Variants in STON2 observed in about 807,000 individuals in gnomAD.
STON2 encodes stonin-2.
Under a neutral mutation model 65.7 loss-of-function variants are expected in STON2, and 29 were observed. The ratio of observed to expected loss-of-function variants is 0.44; its 90% confidence interval spans 0.33 to 0.60. The LOEUF is 0.60. Ranked by LOEUF, STON2 falls within the 20% of genes least tolerant of loss-of-function variation. The pLI, the probability that STON2 is intolerant of heterozygous loss-of-function variation, is 0.03. For missense variants in STON2, 1,054 were observed against 1,118.1 expected, an observed-to-expected ratio of 0.94 and a Z score of 0.82; for synonymous variants, 404 against 414.2, an observed-to-expected ratio of 0.98 and a Z score of 0.30.
chr14:81,413,189 A>G (rs1901255411), intron 2 of STON2: 11 of 1,538,252 alleles, frequency 7.2e-6, no homozygotes, highest in Non-Finnish European at 8.7e-6. Context: ...CAAACACTTC[A>G]TCTACTTCTA....
chr14:81,295,240 G>A (rs1895713706), intron 5 of STON2, among the ~76,000 whole-genome samples: 2 of 152,140 alleles, frequency 1.3e-5, no homozygotes. Context: ...CAGGAGAATG[G>A]CTTGAACCCG....
intron 2 of STON2, among the ~76,000 whole-genome samples, chr14:81,416,575 C>T (rs1383123927): frequency 6.6e-6 from 1 of 152,168 alleles, no homozygotes; most frequent in African/African-American, 2.4e-5. Flanking sequence ...AGAGTGTGTA[C>T]CACACAGTCT....
At chr14:81,279,647 T>C (rs1895026792) in intron 5 of STON2, among the ~76,000 whole-genome samples, 1 of 151,692 alleles carries the variant, frequency 6.6e-6, no homozygotes, top group Non-Finnish European at 1.5e-5. Context: ...GCGGAGATTG[T>C]GCCACTGCAC....
At chr14:81,395,853 G>A in intron 3 of STON2, 41 bp downstream of exon 3, 4 of 1,605,114 alleles carry the variant, frequency 2.5e-6, no homozygotes, top group Non-Finnish European at 3.4e-6. Flanking sequence ...AAGCATCCCT[G>A]CTGACCACAA....
chr14:81,299,771 A>C (rs534082167), intron 5 of STON2, among the ~76,000 whole-genome samples: 1 of 152,328 alleles, frequency 6.6e-6, no homozygotes, highest in East Asian at 1.9e-4. Flanking sequence ...TAAACTTAAT[A>C]AAAGATGTGT....
intron 4 of STON2, among the ~76,000 whole-genome samples, chr14:81,358,427 C>A (rs1222847322): frequency 1.3e-5 from 2 of 151,904 alleles, no homozygotes; most frequent in Non-Finnish European, 2.9e-5. Context: ...TACAAAGGAT[C>A]AAAGCATACC....
At position 81,312,848 on chromosome 14, in the gene STON2, G is replaced by A. The variant is rs189814021; in HGVS notation, c.742+11169C>T. On this transcript the variant is annotated intron_variant, in intron 5 of 7. Transcript: ENST00000614646. ...AATTCAGACCACTTTTTGTATGCACGTAATCATATTTTGGTAGCAAATTCT... is the reference window on the plus strand; with the variant it reads ...AATTCAGACCACTTTTTGTATGCACATAATCATATTTTGGTAGCAAATTCT... 1.1e-4 allele frequency among the ~76,000 whole-genome samples: 16 copies of A among 152,322 alleles called. No individual in the cohort carries two copies. In the East Asian group the frequency reaches 2.9e-3, roughly 28 times the overall value.
upstream of STON2, among the ~76,000 whole-genome samples, chr14:81,400,712 G>A (rs1161670999): frequency 2.0e-5 from 3 of 152,140 alleles, no homozygotes; most frequent in Non-Finnish European, 4.4e-5. Flanking sequence ...TGAGAAAACT[G>A]AGGCCCAAGG....
chr14:81,336,314 T>C (rs1012158902), intron 4 of STON2, among the ~76,000 whole-genome samples: 1 of 152,136 alleles, frequency 6.6e-6, no homozygotes, highest in Non-Finnish European at 1.5e-5. Context: ...GTATCCTTGT[T>C]ACCACATTCC....
chr14:81,326,100 C>T (rs1348167297), intron 4 of STON2, among the ~76,000 whole-genome samples: 1 of 152,200 alleles, frequency 6.6e-6, no homozygotes, highest in Non-Finnish European at 1.5e-5. Context: ...ATGCACCCAG[C>T]ACACAAGAAC....
In STON2 at chr14:81,409,240, A is replaced by G. The variant is rs372321644; in HGVS notation, c.-198-10660T>C. ...GCCAACATGGTGAAACCTCGTCTCT[A>G]CTAAAAATACGAAAATTAGCCAGGC... is the stretch of plus-strand genomic sequence containing the variant. On this transcript the variant is annotated intron_variant, in intron 2 of 8. Coordinates refer to the STON2 transcript ENST00000553821. Among the ~76,000 whole-genome samples the G allele has an allele frequency of 1.9e-4, 29 of 152,122 alleles. No homozygotes were observed. The East Asian group carries it at 4.6e-3, about 24-fold the overall frequency.
chr14:81,306,208 CACAT>C (rs1369241238), intron 5 of STON2, among the ~76,000 whole-genome samples: 2 of 143,112 alleles, frequency 1.4e-5, no homozygotes, highest in Non-Finnish European at 3.0e-5. Context: ...TATATACACA[CACAT>C]ACATACTCTT....
At chr14:81,274,544 T>C (rs899037022) in intron 6 of STON2, among the ~76,000 whole-genome samples, 1 of 151,862 alleles carries the variant, frequency 6.6e-6, no homozygotes. Context: ...TTCTCTCCTT[T>C]TGGGAAATAA....
Position 81,278,166 on chromosome 14 carries a change from A to G in STON2, c.1316T>C (p.Val439Ala), listed in dbSNP as rs1317466490. 6.2e-7 allele frequency: 1 copy of G among 1,614,180 alleles called. No individual in the cohort carries two copies. Among genetic ancestry groups the G allele is most frequent in the Non-Finnish European group, 8.5e-7 (1 of 1,180,032 alleles). ...AATTTGGAGTTGTTTGAGTTTTTCA[A>G]CAGCATCAGAGTGTGACTGGGTTTT... ...SSKTQSHSDAVEKLKQLQIDD... is the reference protein window; with the variant it reads ...SSKTQSHSDAAEKLKQLQIDD... Residue 439 changes from valine to alanine, a missense_variant, in exon 6 of 8, where the codon GTT (valine) becomes GCT (alanine). Val to Ala is a moderately conservative substitution (Grantham distance 64). Coordinates refer to ENST00000614646, the MANE Select transcript of STON2 (RefSeq NM_001394390.1).
chr14:81,267,781 A>G lies in STON2; in HGVS notation c.*633T>C. ...TGTCTATTGTGACTCAGGATAGCAAATCCTGTGACTGAAACCTTAGAGAGA... is the reference window on the plus strand; with the variant it reads ...TGTCTATTGTGACTCAGGATAGCAAGTCCTGTGACTGAAACCTTAGAGAGA... On this transcript the variant is annotated 3_prime_UTR_variant, in exon 8 of 8. Coordinates refer to ENST00000614646, the MANE Select transcript of STON2 (RefSeq NM_001394390.1). 5.1e-6 allele frequency: 5 copies of G among 985,380 alleles called. No individual in the cohort carries two copies. The highest frequency in any genetic ancestry group is 6.0e-6 in the Non-Finnish European group (5 of 829,922). The allele number at this position is 985,380 out of a possible 1,614,324, so 61.0% of individuals were successfully genotyped here. A position where few individuals can be genotyped will look rare whatever the true frequency, so the allele number is the denominator to read the frequency against.
In STON2 at chr14:81,267,967, A is replaced by T. The variant is rs2140092909; in HGVS notation, c.*447T>A. The T allele has an allele frequency of 1.0e-6, 1 of 986,636 alleles. No individual in the cohort carries two copies. The highest frequency in any genetic ancestry group is 1.2e-6 in the Non-Finnish European group (1 of 830,796). 61.1% of individuals were successfully genotyped at this position (986,636 alleles called of 1,614,324 possible). A position where few individuals can be genotyped will look rare whatever the true frequency, so the allele number is the denominator to read the frequency against. ...ACCTTTTCTAGACAGAGTGAAAGAGATGGATTCTTAATTAACTTCTCAAGA... is the reference window on the plus strand; with the variant it reads ...ACCTTTTCTAGACAGAGTGAAAGAGTTGGATTCTTAATTAACTTCTCAAGA... On this transcript the variant is annotated 3_prime_UTR_variant, in exon 8 of 8. Coordinates refer to ENST00000614646, the MANE Select transcript of STON2 (RefSeq NM_001394390.1).
intron 1 of STON2, among the ~76,000 whole-genome samples, chr14:81,432,876 C>T (rs760024844): frequency 6.6e-6 from 1 of 152,264 alleles, no homozygotes; most frequent in Non-Finnish European, 1.5e-5. Flanking sequence ...CCTTTTCCTC[C>T]TTCCATTGGA....
At chr14:81,390,992 A>G (rs1387019778) in intron 3 of STON2, among the ~76,000 whole-genome samples, 1 of 152,200 alleles carries the variant, frequency 6.6e-6, no homozygotes. Context: ...TCATCTTCAC[A>G]GTGCCTTCTC....
intron 3 of STON2, among the ~76,000 whole-genome samples, chr14:81,389,369 A>C (rs1159176211): frequency 1.3e-5 from 2 of 152,070 alleles, no homozygotes; most frequent in Non-Finnish European, 2.9e-5. Context: ...CACACCAAAC[A>C]CCTCTCTTGC....
Sources: gnomAD v4.1 joint callset for allele counts (sites outside exome capture counted in the v4.1 genomes callset) on GRCh38, gnomAD v4.1.1 for gene constraint, MANE v1.5 for transcripts, NCBI Gene and HGNC (gene_info 2026-07-23, HGNC 2026-07-21) for gene names.